The following GSTA1 variants were observed in gnomAD, a reference collection of about 807,000 sequenced individuals.
GSTA1 encodes the protein glutathione S-transferase A1.
Under a neutral mutation model 21.5 loss-of-function variants are expected in GSTA1, and 23 were observed. That is an observed-to-expected ratio of 1.07 (90% CI 0.77 to 1.52). The LOEUF (loss-of-function observed/expected upper bound fraction) is 1.52, where lower values mean the gene tolerates loss of function less well. Among genes scored for constraint, GSTA1 ranks in the 40% most tolerant of loss-of-function variants. The pLI is 0.00. For synonymous variants in GSTA1, 125 were observed against 90.0 expected (o/e 1.39, Z -2.20); for missense variants, 301 against 264.2 (o/e 1.14, Z -0.96).
chr6:52,796,380 A>G (rs890473727), intron 3 of GSTA1, 66 bp from the exon 4 acceptor site: 17 of 1,598,678 alleles, frequency 1.1e-5, no homozygotes, highest in Non-Finnish European at 1.4e-5. Context: ...GGATGAACAA[A>G]TGGTTGTGGA....
At position 52,799,288 on chromosome 6, in the gene GSTA1, T is replaced by C. The variant is rs1295019073; in HGVS notation, c.-21A>G. The C allele has an allele frequency of 2.5e-6, 4 of 1,592,386 alleles. No homozygotes were observed. The African/African-American group carries it at 4.0e-5, about 16-fold the overall frequency. Reference sequence around the variant, plus strand: ...GCCATGATAGCAGTCTCCTGGAGGTTTCTCTAAGCCTGAATGAATGAATGA... The same window carrying C: ...GCCATGATAGCAGTCTCCTGGAGGTCTCTCTAAGCCTGAATGAATGAATGA... On this transcript the variant is annotated 5_prime_UTR_variant, in exon 2 of 7. Transcript: ENST00000334575.
intron 5 of GSTA1, 95 bp from the exon 6 acceptor site, chr6:52,793,082 T>C: frequency 1.3e-6 from 2 of 1,564,102 alleles, no homozygotes; most frequent in South Asian, 2.3e-5. Context: ...TTTCCCCACC[T>C]CTGTTGCCTT....
At chr6:52,795,927 A>G (rs541078188) in intron 4 of GSTA1, among the ~76,000 whole-genome samples, 3 of 152,288 alleles carry the variant, frequency 2.0e-5, no homozygotes, top group African/African-American at 7.2e-5. Flanking sequence ...TTCATGGTTC[A>G]TCCGTGTTTG....
chr6:52,794,344 G>A (rs1223318643), intron 4 of GSTA1, 78 bp from the exon 5 acceptor site: 2 of 1,440,314 alleles, frequency 1.4e-6, no homozygotes, highest in African/African-American at 1.4e-5. Context: ...TAAGGGAGTA[G>A]AGTATCAGGT....
chr6:52,800,331 G>A (rs1763685311), intron 1 of GSTA1, among the ~76,000 whole-genome samples: 1 of 152,176 alleles, frequency 6.6e-6, no homozygotes, highest in East Asian at 1.9e-4. Context: ...CAAGGACTGA[G>A]TCTTATTTTC....
intron 3 of GSTA1, among the ~76,000 whole-genome samples, chr6:52,797,005 G>A (rs1763607612): frequency 6.6e-6 from 1 of 152,152 alleles, no homozygotes; most frequent in Non-Finnish European, 1.5e-5. Flanking sequence ...TTTAGGAAGA[G>A]GTTGGGACAA....
chr6:52,797,110 G>A (rs1468997573), intron 3 of GSTA1, among the ~76,000 whole-genome samples: 1 of 152,094 alleles, frequency 6.6e-6, no homozygotes, highest in Non-Finnish European at 1.5e-5. Flanking sequence ...GTTCTGAGAG[G>A]TTTTTATGTA....
chr6:52,797,707 C>T (rs1763623332), intron 2 of GSTA1, 70 bp from the exon 3 acceptor site: 8 of 1,254,454 alleles, frequency 6.4e-6, no homozygotes, highest in Non-Finnish European at 7.0e-6. Context: ...TGAATGGCCC[C>T]ATCTGGTGCA....
chr6:52,791,854 G>A lies in GSTA1; in HGVS notation c.*4C>T, dbSNP rs139912772. 2.0e-4 allele frequency: 319 copies of A among 1,613,948 alleles called. 3 individuals carry two copies. The African/African-American group carries it at 3.1e-3, about 16-fold the overall frequency. ...GCAAGTTCTTGGCCTCCATGACTGC[G>A]TTATTAAAACCTGAAAATCTTCCTT... is the stretch of plus-strand genomic sequence containing the variant. On this transcript the variant is annotated 3_prime_UTR_variant, in exon 7 of 7. Transcript: ENST00000334575.
At chr6:52,792,421 A>C (rs1275738686) in intron 6 of GSTA1, among the ~76,000 whole-genome samples, 1 of 152,176 alleles carries the variant, frequency 6.6e-6, no homozygotes, top group Non-Finnish European at 1.5e-5. Context: ...GTGGGGGGCC[A>C]GTGTTCTGGA....
chr6:52,801,505 C>T (rs1298663532), intron 1 of GSTA1, among the ~76,000 whole-genome samples: 1 of 152,154 alleles, frequency 6.6e-6, no homozygotes, highest in African/African-American at 2.4e-5. Context: ...GTTGTAATTC[C>T]AATCCCCAAA....
chr6:52,793,076 C>T, intron 5 of GSTA1, 89 bp from the exon 6 acceptor site: 1 of 1,587,918 alleles, frequency 6.3e-7, no homozygotes, highest in South Asian at 1.1e-5. Context: ...CCTGACTTTC[C>T]CCACCTCTGT....
chr6:52,802,764 C>G (rs1355954770), intron 1 of GSTA1, among the ~76,000 whole-genome samples: 1 of 152,076 alleles, frequency 6.6e-6, no homozygotes, highest in Non-Finnish European at 1.5e-5. Context: ...CTCTGGTTCT[C>G]TATATTTTGT....
At chr6:52,800,772 C>G (rs981416200) in intron 1 of GSTA1, among the ~76,000 whole-genome samples, 16 of 152,332 alleles carry the variant, frequency 1.1e-4, no homozygotes, top group Admixed American at 9.1e-4. Context: ...TGCGTTTTCT[C>G]TCCAAACCCC....
chr6:52,796,523 G>A (rs372985959), intron 3 of GSTA1, among the ~76,000 whole-genome samples: 31,240 of 44,982 alleles, frequency 0.69, 10,444 homozygotes, highest in East Asian at 0.78. Context: ...GTGTGTGTGT[G>A]TGTGTGTATA....
rs117137898 is a variant in GSTA1 at position 52,794,951 on chromosome 6, G to T, written c.273-685C>A. 4.2e-4 allele frequency among the ~76,000 whole-genome samples: 64 copies of T among 152,192 alleles called. 2 individuals carry two copies. The East Asian group carries it at 0.012, about 28-fold the overall frequency. ...AGTTTCACAATACTTTTTAAAACAA[G>T]AACTTTATTGATGCATATTCACATA... On this transcript the variant is annotated intron_variant, in intron 4 of 6. Transcript: ENST00000334575.
At chr6:52,799,366 T>G in intron 1 of GSTA1, 69 bp from the exon 2 acceptor site, 1 of 1,033,276 alleles carries the variant, frequency 9.7e-7, no homozygotes, top group East Asian at 2.5e-5. Context: ...GGATATGTAG[T>G]TGAAAACCAC....
chr6:52,793,041 C>G (rs1291616025), intron 5 of GSTA1, 54 bp from the exon 6 acceptor site: 9 of 1,612,260 alleles, frequency 5.6e-6, no homozygotes, highest in Non-Finnish European at 6.8e-6. Flanking sequence ...GGCTAGGACC[C>G]CTGCTTCTTT....
Position 52,794,262 on chromosome 6 carries a change from C to T in GSTA1, c.277G>A (p.Asp93Asn), listed in dbSNP as rs1457082059. The change falls in exon 5 of 7, where the codon GAT becomes AAT. Residue 93 changes from aspartate (D) to asparagine (N), a missense_variant. Physicochemically the swap from Asp to Asn is conservative, Grantham distance 23 (BLOSUM62 1). Transcript: ENST00000334575. Reference sequence around the variant, plus strand: ...TCTGCTATACCTTCTATATACATATCAATCCTGAAAGACAGAAACAACCAA... The same window carrying T: ...TCTGCTATACCTTCTATATACATATTAATCCTGAAAGACAGAAACAACCAA... ...GKDIKERALI[D>N]MYIEGIADLG... The T allele has an allele frequency of 6.2e-7, 1 of 1,610,332 alleles. No homozygotes were observed. The highest frequency in any genetic ancestry group is 1.3e-5 in the African/African-American group (1 of 74,704).
Sources: allele counts gnomAD v4.1 joint callset (sites outside exome capture counted in the v4.1 genomes callset), GRCh38; gene constraint gnomAD v4.1.1; transcripts MANE v1.5; gene names NCBI Gene and HGNC (gene_info 2026-07-23, HGNC 2026-07-21).